The following XIRP2 variants were observed in gnomAD, a reference collection of about 807,000 sequenced individuals.
The protein encoded by XIRP2 is xin actin binding repeat containing 2, also known as xin actin-binding repeat-containing protein 2.
A neutral mutation model predicts 277.0 loss-of-function variants in XIRP2; 236 were observed. That is an observed-to-expected ratio of 0.85 (90% confidence interval 0.77 to 0.95). The LOEUF (loss-of-function observed/expected upper bound fraction) is 0.95. Ranked by LOEUF, XIRP2 falls within the 40% of genes least tolerant of loss-of-function variation. XIRP2 has a pLI of 0.00. For missense variants in XIRP2, 4,640 were observed against 4,157.5 expected (o/e 1.12, Z -3.19); for synonymous variants, 1,490 against 1,416.5 (o/e 1.05, Z -1.17).
chr2:167,005,065 CTAATA>C (rs779224063), intron 2 of XIRP2, among the ~76,000 whole-genome samples: 56 of 151,860 alleles, frequency 3.7e-4, no homozygotes, highest in Non-Finnish European at 5.9e-4. Flanking sequence ...AAGAAAGTAA[CTAATA>C]TAATGTAAAA....
In XIRP2 at chr2:167,249,869, C is replaced by A; in HGVS notation, c.8477C>A (p.Ser2826Ter). 1 of 1,613,470 alleles carries A rather than the reference C, an allele frequency of 6.2e-7. No homozygotes were observed. Among genetic ancestry groups the A allele is most frequent in the South Asian group, 1.1e-5 (1 of 91,062 alleles). Reference sequence around the variant, plus strand: ...AGTGAAGAAAAAAATCAGGGACCATCAATGATTGGTCGAAAAGAAGAGAGA... The same window carrying A: ...AGTGAAGAAAAAAATCAGGGACCATAAATGATTGGTCGAAAAGAAGAGAGA... The part of the protein sequence containing the change: ...PGSEEKNQGP[S>*]MIGRKEERLI... Residue 2826 changes from serine (S) to a stop codon, truncating the protein, a stop_gained, in exon 9 of 11, where the codon TCA becomes TAA. Coordinates refer to ENST00000409195, the MANE Select transcript of XIRP2 (RefSeq NM_152381.6). LOFTEE classifies it high-confidence loss of function.
intron 2 of XIRP2, among the ~76,000 whole-genome samples, chr2:167,041,616 C>A (rs562814245): frequency 6.6e-6 from 1 of 151,720 alleles, no homozygotes; most frequent in South Asian, 2.1e-4. Context: ...CTCAGTCAGA[C>A]AAAAATAAAG....
chr2:167,201,205 AGAAAGAAAGAAAGAAAGAAAG>A (rs1456288947), intron 3 of XIRP2, among the ~76,000 whole-genome samples: 2 of 60,994 alleles, frequency 3.3e-5, no homozygotes, highest in African/African-American at 1.5e-4. Flanking sequence ...AAAGAAAGAA[AGAAAGAAAGAAAGAAAGAAAG>A]AAAGAAAGAA....
At chr2:167,214,537 C>G (rs2105395570) in intron 4 of XIRP2, among the ~76,000 whole-genome samples, 1 of 149,308 alleles carries the variant, frequency 6.7e-6, no homozygotes, top group African/African-American at 2.5e-5. Flanking sequence ...TAGTCTGTTT[C>G]TAAAGCGCAG....
intron 2 of XIRP2, among the ~76,000 whole-genome samples, chr2:166,994,538 A>T (rs2105446450): frequency 6.8e-6 from 1 of 148,126 alleles, no homozygotes; most frequent in South Asian, 2.2e-4. Context: ...TGTGTAGGTA[A>T]GGCTTCCAAT....
Position 167,246,773 on chromosome 2 carries a change from A to G in XIRP2, c.5381A>G (p.Lys1794Arg), listed in dbSNP as rs775788957. Residue 1794 changes from lysine to arginine, a missense_variant, in exon 9 of 11, where the codon AAA (lysine) becomes AGA (arginine). By Grantham distance (26) the Lys-to-Arg change is conservative (BLOSUM62 2). Transcript: ENST00000409195. ...GAAGGTACAAAACTGTTACTGAAGA[A>G]AAGGCAGTCTCTGGTTGAACGTACT... ...DVEGTKLLLKKRQSLVERTVS... is the reference protein window; with the variant it reads ...DVEGTKLLLKRRQSLVERTVS... 1.9e-5 allele frequency: 30 copies of G among 1,613,714 alleles called. No individual in the cohort carries two copies. The highest frequency in any genetic ancestry group is 1.6e-4 in the Middle Eastern group (1 of 6,082).
At chr2:167,158,151 T>C (rs1692256763) in intron 3 of XIRP2, among the ~76,000 whole-genome samples, 1 of 152,144 alleles carries the variant, frequency 6.6e-6, no homozygotes, top group Non-Finnish European at 1.5e-5. Context: ...AGAGTACATA[T>C]CCTTACAAAA....
At chr2:166,961,017 T>C (rs1422901195) in intron 2 of XIRP2, among the ~76,000 whole-genome samples, 3 of 151,716 alleles carry the variant, frequency 2.0e-5, no homozygotes, top group Non-Finnish European at 4.4e-5. Context: ...TAGCATAACA[T>C]GAATATGAAG....
At position 167,258,114 on chromosome 2, in the gene XIRP2, G is replaced by T. The variant is rs187579128; in HGVS notation, c.*297G>T. The stretch of plus-strand genomic sequence containing the variant: ...GATGCTGGTAACAGTGAAGGGCAAA[G>T]GAATGATTTGAGAAAATTAGGGGAA... On this transcript the variant is annotated 3_prime_UTR_variant, in exon 11 of 11. Transcript: ENST00000409195. 427 of 1,613,146 alleles carry T rather than the reference G, an allele frequency of 2.6e-4. 1 individual carries two copies. In the Middle Eastern group the frequency reaches 7.8e-3, roughly 29 times the overall value.
In XIRP2 at chr2:167,248,344, A is replaced by T. The variant is rs1164182746; in HGVS notation, c.6952A>T (p.Met2318Leu). Residue 2318 changes from methionine to leucine, a missense_variant, in exon 9 of 11, where the codon ATG becomes TTG. Met to Leu is a conservative substitution (Grantham distance 15). Transcript: ENST00000409195. ...FPLPPPPPLM[M>L]FPEKNGFLPS... The stretch of plus-strand genomic sequence containing the variant: ...TCTTCCTCCTCCACCTCCTTTGATG[A>T]TGTTTCCTGAAAAAAATGGGTTTCT... The T allele has an allele frequency of 6.2e-7, 1 of 1,613,438 alleles. No individual in the cohort carries two copies. Among genetic ancestry groups the T allele is most frequent in the African/African-American group, 1.3e-5 (1 of 74,744 alleles).
intron 3 of XIRP2, among the ~76,000 whole-genome samples, chr2:167,177,843 AT>A (rs1692892137): frequency 6.6e-6 from 1 of 152,168 alleles, no homozygotes; most frequent in Non-Finnish European, 1.5e-5. Context: ...AGCCCTTAAT[AT>A]GTCAAGCACA....
chr2:167,206,278 A>C (rs1300076125), intron 3 of XIRP2, among the ~76,000 whole-genome samples: 1 of 152,030 alleles, frequency 6.6e-6, no homozygotes, highest in African/African-American at 2.4e-5. Flanking sequence ...TTCTTCTAGT[A>C]TAACTTATTT....
At position 167,250,610 on chromosome 2, in the gene XIRP2, A is replaced by T. The variant is rs970487546; in HGVS notation, c.9218A>T (p.Lys3073Ile). Residue 3073 changes from lysine to isoleucine, a missense_variant, in exon 9 of 11, where the codon AAA becomes ATA. Transcript: ENST00000409195. ...AAAAATAGTGAACAGAAAGAAAATA[A>T]AATTGCCAAAGAGAAAACAGTACAG... ...NNKNSEQKENKIAKEKTVQHQ... is the reference protein window; with the variant it reads ...NNKNSEQKENIIAKEKTVQHQ... The T allele has an allele frequency of 6.2e-7, 1 of 1,613,400 alleles. No homozygotes were observed.
chr2:167,213,985 G>C (rs1319483650), intron 4 of XIRP2, among the ~76,000 whole-genome samples: 2 of 151,608 alleles, frequency 1.3e-5, no homozygotes. Flanking sequence ...TTGGGAGGCT[G>C]AGGTGGGTGG....
Position 167,095,851 on chromosome 2 carries a change from C to CTTTTTTTTTTTT in XIRP2, c.409-40029_409-40018dup, listed in dbSNP as rs60405920. ...TAAAAATGATTTAGGAGGCGTCACT[C>CTTTTTTTTTTTT]TTTTTTTTTTTTTTTTTTTTTTTTT... On this transcript the variant is annotated intron_variant, in intron 2 of 10. Coordinates refer to ENST00000409195, the MANE Select transcript of XIRP2 (RefSeq NM_152381.6). Among the ~76,000 whole-genome samples the CTTTTTTTTTTTT allele has an allele frequency of 1.1e-4, 5 of 47,304 alleles. 1 individual carries two copies. The highest frequency in any genetic ancestry group is 1.9e-4 in the Non-Finnish European group (4 of 20,634). 31.0% of individuals were successfully genotyped at this position (47,304 alleles called of 152,430 possible). A position where few individuals can be genotyped will look rare whatever the true frequency, so the allele number is the denominator to read the frequency against.
chr2:166,945,453 A>T (rs1685832962), intron 2 of XIRP2, among the ~76,000 whole-genome samples: 1 of 151,932 alleles, frequency 6.6e-6, no homozygotes, highest in South Asian at 2.1e-4. Context: ...TAAAAAGTAA[A>T]TTGGCTCAAA....
rs549266965 is a variant in XIRP2 at position 166,897,079 on chromosome 2, T to C, written c.-18-6386T>C. On this transcript the variant is annotated intron_variant, in intron 1 of 10. Coordinates refer to ENST00000409195, the MANE Select transcript of XIRP2 (RefSeq NM_152381.6). ...CTGTGATCTTCTCACAATGATGAAA[T>C]TGACAAACAATACATTGCTCAGAAC... 2.0e-5 allele frequency among the ~76,000 whole-genome samples: 3 copies of C among 152,286 alleles called. No individual in the cohort carries two copies. The East Asian group carries it at 5.8e-4, about 29-fold the overall frequency.
chr2:167,050,671 A>G (rs982633867), intron 2 of XIRP2, among the ~76,000 whole-genome samples: 1 of 151,998 alleles, frequency 6.6e-6, no homozygotes, highest in African/African-American at 2.4e-5. Flanking sequence ...AATTGAACCA[A>G]AGATAGGATC....
At chr2:167,105,464 G>A (rs1165096740) in intron 2 of XIRP2, among the ~76,000 whole-genome samples, 1 of 151,872 alleles carries the variant, frequency 6.6e-6, no homozygotes, top group Non-Finnish European at 1.5e-5. Context: ...CATCTAAGTG[G>A]TTGAGTATAT....
Sources: allele counts gnomAD v4.1 joint callset (sites outside exome capture counted in the v4.1 genomes callset), GRCh38; gene constraint gnomAD v4.1.1; transcripts MANE v1.5; gene names NCBI Gene and HGNC (gene_info 2026-07-23, HGNC 2026-07-21).